Variants in ACSL3 observed in about 807,000 individuals in gnomAD.
ACSL3 encodes fatty acid CoA ligase Acsl3.
A neutral mutation model predicts 84.7 loss-of-function variants in ACSL3; 34 were observed. The ratio of observed to expected loss-of-function variants is 0.40; its 90% CI spans 0.31 to 0.53. ACSL3 has a LOEUF of 0.53. Ranked by LOEUF, ACSL3 falls within the 20% of genes least tolerant of loss-of-function variation. The probability of loss-of-function intolerance (pLI) is 0.48; values close to 1 mark genes in which losing one functional copy is unlikely to be tolerated. For missense variants in ACSL3, 680 were observed against 873.1 expected (o/e 0.78, Z 2.79); for synonymous variants, 315 against 299.4 (o/e 1.05, Z -0.54).
chr2:222,867,951 G>A (rs1160528155), intron 1 of ACSL3, among the ~76,000 whole-genome samples: 31 of 144,274 alleles, frequency 2.1e-4, no homozygotes, highest in Non-Finnish European at 4.6e-5. Flanking sequence ...GCTCTTTTTA[G>A]TAATCTTTAC....
chr2:222,869,682 C>CT (rs1339779906), intron 1 of ACSL3, among the ~76,000 whole-genome samples: 2 of 152,098 alleles, frequency 1.3e-5, no homozygotes, highest in African/African-American at 4.8e-5. Flanking sequence ...CAAAATGAGA[C>CT]TAATGTTAGA....
intron 16 of ACSL3, among the ~76,000 whole-genome samples, chr2:222,939,269 C>T (rs1697245318): frequency 6.6e-6 from 1 of 152,100 alleles, no homozygotes; most frequent in Non-Finnish European, 1.5e-5. Flanking sequence ...GGACTTTGTC[C>T]AGTCAGCCCT....
intron 16 of ACSL3, among the ~76,000 whole-genome samples, chr2:222,939,956 T>C (rs1296928232): frequency 6.6e-6 from 1 of 152,252 alleles, no homozygotes; most frequent in African/African-American, 2.4e-5. Context: ...CAGAAACTTG[T>C]CATTTTTTTG....
intron 1 of ACSL3, among the ~76,000 whole-genome samples, chr2:222,874,836 A>G (rs1017609090): frequency 6.6e-6 from 1 of 151,952 alleles, no homozygotes; most frequent in Non-Finnish European, 1.5e-5. Flanking sequence ...TTTAAATTAC[A>G]TTGGCTCACT....
rs540357122 is a variant in ACSL3 at position 222,921,182 on chromosome 2, A to G, written c.806-98A>G. On this transcript the variant is annotated intron_variant, in intron 7 of 16. Coordinates refer to ENST00000357430, the MANE Select transcript of ACSL3 (RefSeq NM_004457.5). Reference sequence around the variant, plus strand: ...TGTTGAATTGAGTTAAATTAACTCAATTTGATTGAGTTATTTATTTGATGA... The same window carrying G: ...TGTTGAATTGAGTTAAATTAACTCAGTTTGATTGAGTTATTTATTTGATGA... 2.0e-5 allele frequency: 27 copies of G among 1,373,050 alleles called. No homozygotes were observed. The African/African-American group carries it at 3.3e-4, about 17-fold the overall frequency. 85.1% of individuals were successfully genotyped at this position (1,373,050 alleles called of 1,614,324 possible).
chr2:222,866,151 C>CTT (rs575819302), intron 1 of ACSL3, among the ~76,000 whole-genome samples: 1 of 147,198 alleles, frequency 6.8e-6, no homozygotes, highest in Non-Finnish European at 1.5e-5. Context: ...AAAATAGGTA[C>CTT]TTTTTTTTTT....
chr2:222,915,981 T>C (rs1277379536), intron 4 of ACSL3, among the ~76,000 whole-genome samples: 1 of 152,166 alleles, frequency 6.6e-6, no homozygotes, highest in East Asian at 1.9e-4. Flanking sequence ...ATCATTTAAA[T>C]AGGTGAAATT....
intron 1 of ACSL3, among the ~76,000 whole-genome samples, chr2:222,885,951 C>G (rs1007132212): frequency 2.0e-5 from 3 of 152,074 alleles, no homozygotes; most frequent in Non-Finnish European, 4.4e-5. Flanking sequence ...TCTTGTTGGT[C>G]AGGCTGGTCT....
At position 222,908,819 on chromosome 2, in the gene ACSL3, A is replaced by ATAC; in HGVS notation, c.48_50dup (p.Thr17dup). ...AAACCATCTACCATGAAGCTAAAAC[A>ATAC]TACCATCAACCCTATTCTTTTATAT... is the stretch of plus-strand genomic sequence containing the variant. On this transcript the variant is annotated inframe_insertion, in exon 4 of 17. Transcript: ENST00000357430. The ATAC allele has an allele frequency of 6.2e-7, 1 of 1,605,802 alleles. No homozygotes were observed. Among genetic ancestry groups the ATAC allele is most frequent in the Non-Finnish European group, 8.5e-7 (1 of 1,176,834 alleles).
chr2:222,878,547 C>G (rs1695512775), intron 1 of ACSL3, among the ~76,000 whole-genome samples: 1 of 152,132 alleles, frequency 6.6e-6, no homozygotes, highest in African/African-American at 2.4e-5. Flanking sequence ...TGGCATCTGC[C>G]CTTAATCCTT....
intron 16 of ACSL3, among the ~76,000 whole-genome samples, chr2:222,938,048 TC>T (rs2106144727): frequency 6.6e-6 from 1 of 152,286 alleles, no homozygotes; most frequent in South Asian, 2.1e-4. Context: ...AGCTTAATCT[TC>T]CGTCTCATAT....
intron 1 of ACSL3, among the ~76,000 whole-genome samples, chr2:222,868,947 G>T (rs1355642174): frequency 6.6e-6 from 1 of 150,474 alleles, no homozygotes; most frequent in Non-Finnish European, 1.5e-5. Flanking sequence ...TCCAGCCTGG[G>T]CAACAGAGGG....
At chr2:222,899,273 A>G (rs4674719) in intron 2 of ACSL3, among the ~76,000 whole-genome samples, 76,933 of 151,958 alleles carry the variant, frequency 0.51, 20,059 homozygotes, top group East Asian at 0.77. Flanking sequence ...TTTACTTTTG[A>G]AAGATAATGT....
At chr2:222,910,530 G>A (rs538340084) in intron 4 of ACSL3, among the ~76,000 whole-genome samples, 28 of 152,314 alleles carry the variant, frequency 1.8e-4, no homozygotes, top group Non-Finnish European at 3.8e-4. Context: ...GAGGGCCAGA[G>A]GGATGTTGCT....
At chr2:222,871,130 C>G (rs973197107) in intron 1 of ACSL3, among the ~76,000 whole-genome samples, 2 of 152,096 alleles carry the variant, frequency 1.3e-5, no homozygotes, top group South Asian at 4.1e-4. Flanking sequence ...ACCATCGGGA[C>G]TTGGCAACTG....
At chr2:222,877,393 G>A (rs533763897) in intron 1 of ACSL3, among the ~76,000 whole-genome samples, 1 of 152,292 alleles carries the variant, frequency 6.6e-6, no homozygotes, top group Admixed American at 6.5e-5. Context: ...TTCCATGAGG[G>A]CAGGATCAGT....
intron 4 of ACSL3, 129 bp from the exon 5 acceptor site, chr2:222,916,190 T>C: frequency 1.7e-6 from 1 of 583,214 alleles, no homozygotes; most frequent in Non-Finnish European, 2.6e-6. Flanking sequence ...AGTTTCTGGC[T>C]TTTTATTAAA....
At chr2:222,934,779 T>C in intron 16 of ACSL3, 92 bp downstream of exon 16, 9 of 1,354,746 alleles carry the variant, frequency 6.6e-6, no homozygotes, top group Non-Finnish European at 9.0e-6. Flanking sequence ...GGTTCATTAC[T>C]TTCTGCTCAG....
At chr2:222,869,805 G>C (rs1695251570) in intron 1 of ACSL3, among the ~76,000 whole-genome samples, 1 of 152,160 alleles carries the variant, frequency 6.6e-6, no homozygotes, top group Non-Finnish European at 1.5e-5. Context: ...GACTCAGGAA[G>C]CTGTGAGGAT....
Sources: allele counts gnomAD v4.1 joint callset (sites outside exome capture counted in the v4.1 genomes callset), GRCh38; gene constraint gnomAD v4.1.1; transcripts MANE v1.5; gene names NCBI Gene and HGNC (gene_info 2026-07-23, HGNC 2026-07-21).